Variants in STAG1 observed in about 807,000 individuals in gnomAD.
STAG1 encodes the protein cohesin subunit SA-1.
In STAG1, 26 loss-of-function variants were observed where a neutral mutation model predicts 170.9. The observed-to-expected ratio is 0.15, with a 90% CI of 0.11 to 0.21. STAG1 has a LOEUF of 0.21. Ranked by LOEUF, STAG1 falls within the 10% of genes least tolerant of loss-of-function variation. The pLI is 1.00. For synonymous variants in STAG1, 514 were observed against 497.7 expected (o/e 1.03, Z -0.44); for missense variants, 964 against 1,509.5 (o/e 0.64, Z 5.99).
chr3:136,659,673 T>C (rs939293415), intron 1 of STAG1, among the ~76,000 whole-genome samples: 1 of 152,216 alleles, frequency 6.6e-6, no homozygotes, highest in African/African-American at 2.4e-5. Context: ...TCATGGTTTG[T>C]AAATTACTAA....
chr3:136,571,666 G>A (rs898826374), intron 4 of STAG1, among the ~76,000 whole-genome samples: 8 of 152,090 alleles, frequency 5.3e-5, no homozygotes, highest in East Asian at 1.9e-4. Flanking sequence ...GAGGCCAGGA[G>A]TTCAAGACCA....
At chr3:136,485,664 T>C (rs1399773490) in intron 9 of STAG1, among the ~76,000 whole-genome samples, 1 of 152,236 alleles carries the variant, frequency 6.6e-6, no homozygotes, top group Admixed American at 6.5e-5. Context: ...TATATACGTC[T>C]GATACATCTC....
chr3:136,566,361 C>T (rs571556797), intron 5 of STAG1, among the ~76,000 whole-genome samples: 16 of 152,240 alleles, frequency 1.1e-4, no homozygotes, highest in African/African-American at 3.4e-4. Context: ...AAGAACCAGA[C>T]GATATTGAGA....
At chr3:136,644,621 T>C (rs1940931042) in intron 1 of STAG1, among the ~76,000 whole-genome samples, 1 of 152,252 alleles carries the variant, frequency 6.6e-6, no homozygotes, top group Non-Finnish European at 1.5e-5. Context: ...TCAGATTTAA[T>C]GCAGGCTGTT....
intron 1 of STAG1, among the ~76,000 whole-genome samples, chr3:136,702,117 G>C (rs866705369): frequency 0.01 from 728 of 71,796 alleles, 13 homozygotes; most frequent in African/African-American, 0.037. Flanking sequence ...GAGAGAGAGA[G>C]AGAGACAGAG....
chr3:136,722,261 G>A (rs1933327667), intron 1 of STAG1, among the ~76,000 whole-genome samples: 1 of 152,050 alleles, frequency 6.6e-6, no homozygotes, highest in Non-Finnish European at 1.5e-5. Flanking sequence ...CCTCATAGTA[G>A]CCTCACTAAA....
chr3:136,661,815 C>T (rs1941590318), intron 1 of STAG1, among the ~76,000 whole-genome samples: 1 of 152,004 alleles, frequency 6.6e-6, no homozygotes, highest in Non-Finnish European at 1.5e-5. Context: ...TGCATTAATT[C>T]ATGAGATCTT....
chr3:136,338,529 G>T, intron 32 of STAG1, 79 bp from the exon 33 acceptor site: 1 of 1,059,404 alleles, frequency 9.4e-7, no homozygotes, highest in Non-Finnish European at 1.4e-6. Flanking sequence ...TAATATTTCT[G>T]ACAGTATCAT....
At chr3:136,467,411 A>T (rs549632992) in intron 12 of STAG1, among the ~76,000 whole-genome samples, 2 of 152,346 alleles carry the variant, frequency 1.3e-5, no homozygotes, top group Non-Finnish European at 2.9e-5. Flanking sequence ...AGAGACAAAG[A>T]AGGCCATTAC....
intron 5 of STAG1, among the ~76,000 whole-genome samples, chr3:136,555,249 T>C (rs1490660508): frequency 6.6e-6 from 1 of 151,224 alleles, no homozygotes; most frequent in Non-Finnish European, 1.5e-5. Context: ...TGGTCTTGCA[T>C]GCCTGTAGTC....
intron 1 of STAG1, among the ~76,000 whole-genome samples, chr3:136,649,503 C>CAAAAAAAAAAAAAAAA (rs761067087): frequency 2.8e-5 from 2 of 70,878 alleles, no homozygotes; most frequent in Non-Finnish European, 6.1e-5. Context: ...AAAACAGAAA[C>CAAAAAAAAAAAAAAAA]AAAAAAAAAA....
chr3:136,595,379 C>T (rs910503808), intron 4 of STAG1, among the ~76,000 whole-genome samples: 11 of 152,102 alleles, frequency 7.2e-5, no homozygotes, highest in African/African-American at 2.2e-4. Context: ...CATTCCAGAG[C>T]CTGAATATTT....
At chr3:136,466,997 A>T (rs2089481941) in intron 12 of STAG1, among the ~76,000 whole-genome samples, 1 of 152,232 alleles carries the variant, frequency 6.6e-6, no homozygotes, top group African/African-American at 2.4e-5. Flanking sequence ...AGAGCTCCTG[A>T]AGGAAGCACT....
chr3:136,517,162 G>A (rs1934418375), intron 7 of STAG1, among the ~76,000 whole-genome samples: 3 of 152,196 alleles, frequency 2.0e-5, no homozygotes, highest in Non-Finnish European at 4.4e-5. Context: ...GAGTCTGAGA[G>A]TGACTTATTG....
intron 5 of STAG1, among the ~76,000 whole-genome samples, chr3:136,568,015 C>G (rs1937145498): frequency 6.6e-6 from 1 of 151,686 alleles, no homozygotes; most frequent in African/African-American, 2.4e-5. Context: ...TGGAGTATCT[C>G]GTATAAGGGT....
chr3:136,551,003 G>T (rs777468543), intron 5 of STAG1, among the ~76,000 whole-genome samples: 2 of 152,054 alleles, frequency 1.3e-5, no homozygotes, highest in African/African-American at 4.8e-5. Context: ...ACATCTAGAT[G>T]CAAGTGTTTG....
chr3:136,711,542 C>A (rs367993379), intron 1 of STAG1, among the ~76,000 whole-genome samples: 2 of 148,052 alleles, frequency 1.4e-5, no homozygotes, highest in African/African-American at 2.5e-5. Flanking sequence ...GCCTGGGAAA[C>A]AGAGCGAGAG....
At chr3:136,715,160 G>C (rs1467935698) in intron 1 of STAG1, among the ~76,000 whole-genome samples, 1 of 121,740 alleles carries the variant, frequency 8.2e-6, no homozygotes, top group Non-Finnish European at 1.6e-5. Flanking sequence ...TGTGTATGTG[G>C]GGTTTTTTAA....
At chr3:136,604,226 A>C in intron 4 of STAG1, 83 bp downstream of exon 4, 1 of 1,229,962 alleles carries the variant, frequency 8.1e-7, no homozygotes, top group Non-Finnish European at 1.1e-6. Context: ...GAAGTATATA[A>C]AGTGCCAATA....
Sources: gnomAD v4.1 joint callset for allele counts (sites outside exome capture counted in the v4.1 genomes callset) on GRCh38, gnomAD v4.1.1 for gene constraint, MANE v1.5 for transcripts, NCBI Gene and HGNC (gene_info 2026-07-23, HGNC 2026-07-21) for gene names.